The following MYH11 variants were observed in gnomAD, a reference collection of about 807,000 sequenced individuals.
MYH11 encodes the protein myosin heavy chain 11, also known as myosin-11.
MYH11 carries 80 observed loss-of-function variants against 246.6 expected under a neutral mutation model. The ratio of observed to expected loss-of-function variants is 0.32; its 90% CI spans 0.27 to 0.39. The LOEUF (loss-of-function observed/expected upper bound fraction) is 0.39, where lower values mean the gene tolerates loss of function less well. Among genes scored for constraint, MYH11 ranks in the 10% least tolerant of loss-of-function variants. The probability of loss-of-function intolerance (pLI) is 1.00; values close to 1 mark genes in which losing one functional copy is unlikely to be tolerated. For missense variants in MYH11, 2,158 were observed against 2,546.8 expected (o/e 0.85, Z 3.29); for synonymous variants, 1,071 against 1,015.5 (o/e 1.05, Z -1.04).
chr16:15,714,627 G>T (rs1406403698), intron 40 of MYH11: 1 of 562,942 alleles, frequency 1.8e-6, no homozygotes, highest in Non-Finnish European at 3.2e-6. Flanking sequence ...AGGAGACAGT[G>T]GGGATAGCCT....
chr16:15,756,312 CAG>C (rs1225499959), intron 14 of MYH11, 27 bp downstream of exon 14: 1 of 1,612,912 alleles, frequency 6.2e-7, no homozygotes, highest in Non-Finnish European at 8.5e-7. Flanking sequence ...TCCCCTGAGA[CAG>C]AGTCCCCTGG....
At position 15,845,250 on chromosome 16, in the gene MYH11, C is replaced by T. The variant is rs550216190; in HGVS notation, c.-17-6981G>A. On this transcript the variant is annotated intron_variant, in intron 1 of 40. Coordinates refer to ENST00000300036, the MANE Select transcript of MYH11 (RefSeq NM_002474.3). ...GCCCAGGACGGCTTTGAATGTGGCC[C>T]GATACAAATTCATAAACTTTCTTAA... 1.8e-4 allele frequency among the ~76,000 whole-genome samples: 27 copies of T among 151,688 alleles called. No individual in the cohort carries two copies. The South Asian group carries it at 4.4e-3, about 25-fold the overall frequency.
intron 2 of MYH11, among the ~76,000 whole-genome samples, chr16:15,833,347 GAGAA>G (rs1218224482): frequency 2.8e-5 from 4 of 142,940 alleles, no homozygotes; most frequent in Non-Finnish European, 6.1e-5. Context: ...CAGAAAGACA[GAGAA>G]AGAAAGGAAG....
intron 1 of MYH11, among the ~76,000 whole-genome samples, chr16:15,848,291 G>A (rs1195376518): frequency 6.9e-6 from 1 of 144,698 alleles, no homozygotes. Context: ...GGAGTGCAGT[G>A]ACGCAATCTC....
intron 35 of MYH11, 55 bp downstream of exon 35, chr16:15,719,530 G>C: frequency 6.2e-7 from 1 of 1,611,510 alleles, no homozygotes; most frequent in Non-Finnish European, 8.5e-7. Flanking sequence ...GAGCTGCCAA[G>C]GGGTGCTACC....
Position 15,838,157 on chromosome 16 carries a change from G to T in MYH11, c.96C>A (p.Ala32=). 3 of 1,614,066 alleles carry T rather than the reference G, an allele frequency of 1.9e-6. No individual in the cohort carries two copies. The highest frequency in any genetic ancestry group is 2.5e-6 in the Non-Finnish European group (3 of 1,179,998). ...NSPVAQADWA[A]KRLVWVPSEK... is the part of the protein sequence containing the mutation. ...CCGAGGGGACCCAGACGAGTCTCTT[G>T]GCGGCCCAGTCAGCCTGGGCCACTG... Residue 32 remains alanine (A), a synonymous_variant, in exon 2 of 41, where the codon GCC becomes GCA. Coordinates refer to ENST00000300036, the MANE Select transcript of MYH11 (RefSeq NM_002474.3).
Position 15,802,231 on chromosome 16 carries a change from G to A in MYH11, c.503-3544C>T, listed in dbSNP as rs188065131. Among the ~76,000 whole-genome samples, 6 of 152,306 alleles carry A rather than the reference G, an allele frequency of 3.9e-5. No individual in the cohort carries two copies. In the East Asian group the frequency reaches 5.8e-4, roughly 15 times the overall value. Reference sequence around the variant, plus strand: ...ATCCCACTAACAGCTCCGATCTCCCGAGCACTCACTGCACTGCAGGCGTAT... The same window carrying A: ...ATCCCACTAACAGCTCCGATCTCCCAAGCACTCACTGCACTGCAGGCGTAT... On this transcript the variant is annotated intron_variant, in intron 3 of 40. Coordinates refer to ENST00000300036, the MANE Select transcript of MYH11 (RefSeq NM_002474.3).
chr16:15,771,765 A>G (rs752313043), intron 8 of MYH11, 53 bp from the exon 9 acceptor site: 7 of 1,605,064 alleles, frequency 4.4e-6, no homozygotes, highest in Non-Finnish European at 6.0e-6. Context: ...TCTAATTTCA[A>G]CATGAGACCG....
chr16:15,749,983 G>A lies in MYH11; in HGVS notation c.2058+155C>T, dbSNP rs1355706898. 7.5e-6 allele frequency: 7 copies of A among 938,356 alleles called. No individual in the cohort carries two copies. In the Admixed American group the frequency reaches 1.2e-4, roughly 16 times the overall value. The allele number at this position is 938,356 out of a possible 1,614,324, so 58.1% of individuals were successfully genotyped here. On this transcript the variant is annotated intron_variant, in intron 16 of 40. Coordinates refer to ENST00000300036, the MANE Select transcript of MYH11 (RefSeq NM_002474.3). ...ATCCTCCCTTCCTCCTTTTCCTCCA[G>A]GGATGGGGAATGGGTCTGAGATTCA... is the stretch of plus-strand genomic sequence containing the variant.
In MYH11 at chr16:15,748,018, C is replaced by T. The variant is rs769160534; in HGVS notation, c.2180+29G>A. 3.0e-5 allele frequency: 49 copies of T among 1,614,096 alleles called. 1 individual carries two copies. Among genetic ancestry groups the T allele is most frequent in the Non-Finnish European group, 4.1e-5 (48 of 1,180,048 alleles). On this transcript the variant is annotated intron_variant, in intron 17 of 40. Transcript: ENST00000300036. ...TCCACCCAGTCCCGCTCACCCCCTG[C>T]CCTACCTGGGCCAGACCTTGGGACT...
chr16:15,805,264 T>C (rs1488335734), intron 3 of MYH11, among the ~76,000 whole-genome samples: 1 of 152,196 alleles, frequency 6.6e-6, no homozygotes, highest in Non-Finnish European at 1.5e-5. Flanking sequence ...GAAAAGTGCT[T>C]TGAGAAAACG....
Position 15,786,655 on chromosome 16 carries a change from T to C in MYH11, c.608A>G (p.Lys203Arg), listed in dbSNP as rs1369989221. ...CGTGATACTTGTGTCTTTCTTGCCC[T>C]TGTGGGAGGAGGCCACCACGGCCAG... ...QYLAVVASSHKGKKDTSITGE... is the reference protein window; with the variant it reads ...QYLAVVASSHRGKKDTSITGE... Residue 203 changes from lysine (K) to arginine (R), a missense_variant, in exon 5 of 41, where the codon AAG (lysine) becomes AGG (arginine). Lys to Arg is a conservative substitution (Grantham distance 26). This residue lies in a region of MYH11 where 123 missense variants were observed against 207.1 expected (regional missense o/e 0.59). Coordinates refer to ENST00000300036, the MANE Select transcript of MYH11 (RefSeq NM_002474.3). 1.2e-6 allele frequency: 2 copies of C among 1,614,164 alleles called. No homozygotes were observed. The highest frequency in any genetic ancestry group is 3.3e-5 in the Admixed American group (2 of 60,018).
At chr16:15,833,163 G>A (rs1280380181) in intron 2 of MYH11, among the ~76,000 whole-genome samples, 1 of 151,330 alleles carries the variant, frequency 6.6e-6, no homozygotes, top group South Asian at 2.1e-4. Context: ...GCTGGGCATC[G>A]TGCTACATGC....
At chr16:15,819,087 C>G (rs1413945694) in intron 3 of MYH11, among the ~76,000 whole-genome samples, 3 of 151,750 alleles carry the variant, frequency 2.0e-5, no homozygotes, top group Non-Finnish European at 4.4e-5. Flanking sequence ...GTTGGCCAGG[C>G]TGGTCTCTAA....
intron 40 of MYH11, 87 bp from the exon 41 acceptor site, chr16:15,704,210 C>T (rs2039330679): frequency 6.6e-7 from 1 of 1,507,516 alleles, no homozygotes; most frequent in African/African-American, 1.4e-5. Flanking sequence ...AAACTTGTAG[C>T]TATAGTCCTA....
chr16:15,734,489 A>G (rs1392881605), intron 26 of MYH11, among the ~76,000 whole-genome samples: 3 of 152,164 alleles, frequency 2.0e-5, no homozygotes, highest in Admixed American at 2.0e-4. Flanking sequence ...TAGTAGAGAC[A>G]GGGTTTCACC....
At chr16:15,708,960 T>G in intron 40 of MYH11, 1 of 1,086,730 alleles carries the variant, frequency 9.2e-7, no homozygotes, top group Non-Finnish European at 1.4e-6. Context: ...GCACTCTTTT[T>G]TATTTTGAGA....
At chr16:15,784,749 T>G (rs1179768032) in intron 5 of MYH11, 1 of 1,613,436 alleles carries the variant, frequency 6.2e-7, no homozygotes, top group East Asian at 2.2e-5. Flanking sequence ...ATAAAACAAA[T>G]GTCAGCGTTA....
chr16:15,736,532 G>A (rs559231279), intron 25 of MYH11, among the ~76,000 whole-genome samples: 13 of 152,262 alleles, frequency 8.5e-5, no homozygotes, highest in African/African-American at 2.9e-4. Flanking sequence ...CCCCACCTCG[G>A]CTTCCCAAAG....
Sources: allele counts gnomAD v4.1 joint callset (sites outside exome capture counted in the v4.1 genomes callset), GRCh38; gene constraint gnomAD v4.1.1; regional missense constraint gnomAD v4.1.1; transcripts MANE v1.5; gene names NCBI Gene and HGNC (gene_info 2026-07-23, HGNC 2026-07-21).